Variants in CCDC38 observed in about 807,000 individuals in gnomAD.
CCDC38 encodes the protein coiled-coil domain-containing protein 38.
In CCDC38, 69 loss-of-function variants were observed where a neutral mutation model predicts 72.8. The ratio of observed to expected loss-of-function variants is 0.95; its 90% CI spans 0.78 to 1.16. The LOEUF is 1.16. CCDC38 is among the 50% of genes most tolerant of loss of function. CCDC38 has a pLI of 0.00. For synonymous variants in CCDC38, 201 were observed against 213.2 expected, an observed-to-expected ratio of 0.94 and a Z score of 0.50; for missense variants, 626 against 638.9, an observed-to-expected ratio of 0.98 and a Z score of 0.22.
At position 95,922,357 on chromosome 12, in the gene CCDC38, G is replaced by A. The variant is rs372543020; in HGVS notation, c.38-3381C>T. Among the ~76,000 whole-genome samples, 9 of 152,310 alleles carry A rather than the reference G, an allele frequency of 5.9e-5. No individual in the cohort carries two copies. The East Asian group carries it at 9.7e-4, about 16-fold the overall frequency. On this transcript the variant is annotated intron_variant, in intron 2 of 15. Coordinates refer to ENST00000344280, the MANE Select transcript of CCDC38 (RefSeq NM_182496.3). ...AGTCATATATACTCATAGCCTGGGG[G>A]AGGAGAATGCTGCCTGCAATGCAGT... is the stretch of plus-strand genomic sequence containing the variant.
chr12:95,919,048 C>A, intron 2 of CCDC38, 72 bp from the exon 3 acceptor site: 1 of 951,098 alleles, frequency 1.1e-6, no homozygotes, highest in Admixed American at 1.9e-5. Context: ...GTAAGTCTCC[C>A]ACCAGCTAGG....
At chr12:95,889,090 G>A (rs1211314143) in intron 9 of CCDC38, 4 of 156,606 alleles carry the variant, frequency 2.6e-5, no homozygotes, top group Admixed American at 6.9e-5. Context: ...CCAGGCTGGA[G>A]TGCAATGGCA....
chr12:95,934,322 G>C (rs1042529059), intron 2 of CCDC38: 3 of 151,998 alleles, frequency 2.0e-5, no homozygotes, highest in Non-Finnish European at 4.4e-5. Context: ...GTTCTGATGG[G>C]TTCAAAGGTT....
intron 2 of CCDC38, among the ~76,000 whole-genome samples, chr12:95,923,486 T>A (rs7980974): frequency 6.6e-6 from 1 of 151,708 alleles, no homozygotes; most frequent in Non-Finnish European, 1.5e-5. Context: ...CTTCTCTTCT[T>A]CCAAGAGAAA....
chr12:95,899,589 A>G (rs982149547), intron 5 of CCDC38, among the ~76,000 whole-genome samples: 1 of 152,148 alleles, frequency 6.6e-6, no homozygotes, highest in East Asian at 1.9e-4. Flanking sequence ...GTGAGCCACC[A>G]CACCCAGACC....
At chr12:95,928,370 G>C (rs919234598) in intron 2 of CCDC38, among the ~76,000 whole-genome samples, 3 of 152,152 alleles carry the variant, frequency 2.0e-5, no homozygotes, top group Non-Finnish European at 4.4e-5. Flanking sequence ...TAGTTCTTGA[G>C]CCTTGGTTTT....
chr12:95,923,091 C>T (rs986824331), intron 2 of CCDC38, among the ~76,000 whole-genome samples: 2 of 152,066 alleles, frequency 1.3e-5, no homozygotes, highest in Non-Finnish European at 2.9e-5. Context: ...TGCCTCACTG[C>T]TTGAACTGGG....
intron 5 of CCDC38, 96 bp from the exon 6 acceptor site, chr12:95,898,827 ATAATAGTACGCC>A: frequency 8.4e-7 from 1 of 1,196,242 alleles, no homozygotes; most frequent in Non-Finnish European, 1.2e-6. Flanking sequence ...TGTATTAGAA[ATAATAGTACGCC>A]TAAATCTTGG....
chr12:95,881,888 A>G (rs2079704641), intron 10 of CCDC38, among the ~76,000 whole-genome samples: 1 of 152,204 alleles, frequency 6.6e-6, no homozygotes, highest in Non-Finnish European at 1.5e-5. Flanking sequence ...ATGTTGCCTC[A>G]TCCTTTTGTC....
chr12:95,932,239 GA>G (rs2080345746), intron 2 of CCDC38, among the ~76,000 whole-genome samples: 1 of 152,162 alleles, frequency 6.6e-6, no homozygotes, highest in Non-Finnish European at 1.5e-5. Flanking sequence ...AATGGGCTCA[GA>G]CCAGCATGGT....
intron 14 of CCDC38, chr12:95,869,904 A>G: frequency 4.9e-6 from 1 of 205,534 alleles, no homozygotes; most frequent in Admixed American, 6.3e-5. Context: ...GCTCACTGCA[A>G]CCTCTACCTC....
intron 2 of CCDC38, among the ~76,000 whole-genome samples, chr12:95,928,100 G>A (rs1214502314): frequency 3.2e-4 from 48 of 150,456 alleles, no homozygotes; most frequent in African/African-American, 1.1e-3. Context: ...TGCTAGATTG[G>A]GGAAGTTCTC....
chr12:95,898,771 A>G, intron 5 of CCDC38, 40 bp from the exon 6 acceptor site: 1 of 1,586,854 alleles, frequency 6.3e-7, no homozygotes, highest in Non-Finnish European at 8.6e-7. Flanking sequence ...ACATGATTCC[A>G]CATTTTTAGT....
intron 1 of CCDC38, 29 bp from the exon 2 acceptor site, chr12:95,936,552 T>C: frequency 6.3e-7 from 1 of 1,591,622 alleles, no homozygotes; most frequent in African/African-American, 1.3e-5. Flanking sequence ...ATACGTTTTT[T>C]AAAAATTCTA....
intron 11 of CCDC38, 139 bp downstream of exon 11, chr12:95,881,346 G>T: frequency 1.8e-6 from 1 of 556,286 alleles, no homozygotes; most frequent in South Asian, 2.0e-5. Flanking sequence ...TCCAATTGGA[G>T]AATAGTATCA....
rs200374622 is a variant in CCDC38 at position 95,903,377 on chromosome 12, A to AT, written c.369+3009dup. 1.1e-3 allele frequency: 762 copies of AT among 678,380 alleles called. 2 individuals are homozygous for AT. Among genetic ancestry groups the AT allele is most frequent in the East Asian group, 0.01 (364 of 36,364 alleles). The allele number at this position is 678,380 out of a possible 1,614,324, so 42.0% of individuals were successfully genotyped here. On this transcript the variant is annotated intron_variant, in intron 5 of 15. Transcript: ENST00000344280. ...TTCATTTCCAATCTAAATGTCTTTC[A>AT]TTTTTTTTTCTTGTCTTATTGCACT... is the stretch of plus-strand genomic sequence containing the variant.
At chr12:95,928,874 C>T (rs2080303568) in intron 2 of CCDC38, among the ~76,000 whole-genome samples, 1 of 152,208 alleles carries the variant, frequency 6.6e-6, no homozygotes, top group Non-Finnish European at 1.5e-5. Flanking sequence ...CAGGGACCCA[C>T]TCGAGGAGGC....
intron 5 of CCDC38, among the ~76,000 whole-genome samples, chr12:95,899,226 A>G (rs778507805): frequency 1.3e-5 from 2 of 152,180 alleles, no homozygotes; most frequent in African/African-American, 2.4e-5. Flanking sequence ...ATCCCCAAAC[A>G]CAACTTTGAC....
At chr12:95,881,699 G>T in intron 10 of CCDC38, 145 bp from the exon 11 acceptor site, 2 of 559,950 alleles carry the variant, frequency 3.6e-6, no homozygotes, top group Non-Finnish European at 6.3e-6. Flanking sequence ...GGGAACTGCT[G>T]ATTGCAGAAA....
Sources: gnomAD v4.1 joint callset for allele counts (sites outside exome capture counted in the v4.1 genomes callset) on GRCh38, gnomAD v4.1.1 for gene constraint, MANE v1.5 for transcripts, NCBI Gene and HGNC (gene_info 2026-07-23, HGNC 2026-07-21) for gene names.